Variants in MC2R observed in about 807,000 individuals in gnomAD.
MC2R encodes adrenocorticotropic hormone receptor.
Under a neutral mutation model 9.8 loss-of-function variants are expected in MC2R, and 9 were observed. That is an observed-to-expected ratio of 0.92 (90% CI 0.55 to 1.60). MC2R has a LOEUF of 1.60. MC2R is among the 40% of genes most tolerant of loss of function. The pLI is 0.00. For missense variants in MC2R, 370 were observed against 389.0 expected, an observed-to-expected ratio of 0.95 and a Z score of 0.41; for synonymous variants, 185 against 154.7, an observed-to-expected ratio of 1.20 and a Z score of -1.45.
chr18:13,909,449 T>C (rs1208161920), intron 1 of MC2R, among the ~76,000 whole-genome samples: 2 of 152,218 alleles, frequency 1.3e-5, no homozygotes, highest in East Asian at 1.9e-4. Flanking sequence ...TCAGAATGCA[T>C]AGCCCTCACA....
At chr18:13,909,605 A>G (rs941609779) in intron 1 of MC2R, among the ~76,000 whole-genome samples, 1 of 152,168 alleles carries the variant, frequency 6.6e-6, no homozygotes, top group African/African-American at 2.4e-5. Context: ...GAATGCATGG[A>G]CAACTATTTT....
At chr18:13,889,764 C>G (rs997822654) in intron 1 of MC2R, among the ~76,000 whole-genome samples, 2 of 152,076 alleles carry the variant, frequency 1.3e-5, no homozygotes, top group African/African-American at 4.8e-5. Context: ...GTGTTAAATT[C>G]TTGTTATGTG....
At chr18:13,909,314 C>G (rs1462693394) in intron 1 of MC2R, among the ~76,000 whole-genome samples, 1 of 152,200 alleles carries the variant, frequency 6.6e-6, no homozygotes, top group East Asian at 1.9e-4. Context: ...AAGGGACACG[C>G]TATCAAGGTG....
At chr18:13,899,289 A>G (rs992423391) in intron 1 of MC2R, among the ~76,000 whole-genome samples, 4 of 152,264 alleles carry the variant, frequency 2.6e-5, no homozygotes, top group Middle Eastern at 3.4e-3. Flanking sequence ...GAGCATGAAT[A>G]CAGCCTATTT....
intron 1 of MC2R, among the ~76,000 whole-genome samples, chr18:13,897,235 T>G (rs915810803): frequency 6.6e-6 from 1 of 152,148 alleles, no homozygotes; most frequent in Non-Finnish European, 1.5e-5. Context: ...TTGTGAAACA[T>G]TGAACTCAGT....
chr18:13,886,556 T>C (rs1315357015), intron 1 of MC2R, among the ~76,000 whole-genome samples: 1 of 152,130 alleles, frequency 6.6e-6, no homozygotes, highest in African/African-American at 2.4e-5. Context: ...TCACTGCTCG[T>C]CTCCCTGGGT....
chr18:13,911,107 A>G (rs1489742000), intron 1 of MC2R, among the ~76,000 whole-genome samples: 1 of 152,096 alleles, frequency 6.6e-6, no homozygotes, highest in Non-Finnish European at 1.5e-5. Flanking sequence ...AAGCAGCAAA[A>G]CCCCAGAGCT....
intron 1 of MC2R, among the ~76,000 whole-genome samples, chr18:13,893,981 A>T (rs2045331750): frequency 6.6e-6 from 1 of 152,188 alleles, no homozygotes; most frequent in African/African-American, 2.4e-5. Flanking sequence ...CCTCTTCATG[A>T]GGAGGCACTG....
chr18:13,887,939 C>A (rs1419803703), intron 1 of MC2R, among the ~76,000 whole-genome samples: 1 of 152,140 alleles, frequency 6.6e-6, no homozygotes, highest in Non-Finnish European at 1.5e-5. Flanking sequence ...CCATCTCCTG[C>A]TGTTTATTTT....
intron 1 of MC2R, among the ~76,000 whole-genome samples, chr18:13,888,258 C>G (rs747272752): frequency 6.6e-6 from 1 of 152,142 alleles, no homozygotes; most frequent in Non-Finnish European, 1.5e-5. Flanking sequence ...GACAGATACA[C>G]AGTGTGCCCA....
chr18:13,901,641 A>G (rs890769737), intron 1 of MC2R, among the ~76,000 whole-genome samples: 1 of 152,174 alleles, frequency 6.6e-6, no homozygotes, highest in Non-Finnish European at 1.5e-5. Context: ...GAAGAAATTG[A>G]CAAATTCCCA....
chr18:13,885,358 T>C lies in MC2R; in HGVS notation c.161A>G (p.Asn54Ser). The change falls in exon 2 of 2, where the codon AAT becomes AGT. Residue 54 changes from asparagine (N) to serine (S), a missense_variant. By Grantham distance (46) the Asn-to-Ser change is conservative. Transcript: ENST00000327606. ...IVLLAVFKNK[N>S]LQAPMYFFIC... ...GAAAAAGTACATGGGTGCCTGGAGA[T>C]TCTTATTCTTGAACACAGCCAGCAG... is the stretch of plus-strand genomic sequence containing the variant. 1 of 1,614,144 alleles carries C rather than the reference T, an allele frequency of 6.2e-7. No homozygotes were observed. Among genetic ancestry groups the C allele is most frequent in the East Asian group, 2.2e-5 (1 of 44,882 alleles).
chr18:13,905,207 CCAAAAGTGGG>C (rs1018463610), intron 1 of MC2R, among the ~76,000 whole-genome samples: 3 of 152,236 alleles, frequency 2.0e-5, no homozygotes, highest in Middle Eastern at 3.4e-3. Flanking sequence ...AACAACCCCA[CCAAAAGTGGG>C]CAAAGTATAT....
chr18:13,908,586 G>A (rs2045427001), intron 1 of MC2R, among the ~76,000 whole-genome samples: 1 of 152,078 alleles, frequency 6.6e-6, no homozygotes, highest in Non-Finnish European at 1.5e-5. Flanking sequence ...CACTGTTTTG[G>A]TCTTTACAAA....
intron 1 of MC2R, among the ~76,000 whole-genome samples, chr18:13,904,658 A>C (rs1178658279): frequency 2.7e-5 from 4 of 147,278 alleles, no homozygotes; most frequent in Non-Finnish European, 4.5e-5. Context: ...TAACCAAAAC[A>C]GTAACCAAAA....
chr18:13,900,396 T>G (rs1355629499), intron 1 of MC2R, among the ~76,000 whole-genome samples: 2 of 152,060 alleles, frequency 1.3e-5, no homozygotes, highest in Non-Finnish European at 2.9e-5. Flanking sequence ...GAGTAAGTCC[T>G]TACTTATCAA....
In MC2R at chr18:13,883,885, A is replaced by ATT. The variant is rs2045254341; in HGVS notation, c.*739_*740insAA. ...AGGAAATGTAACAGGAAAGGGTTTT[A>ATT]AGGCCAGTGGGATACTGAGTGAGCA... is the stretch of plus-strand genomic sequence containing the variant. On this transcript the variant is annotated 3_prime_UTR_variant, in exon 2 of 2. Transcript: ENST00000327606. The ATT allele has an allele frequency of 6.5e-6, 1 of 152,702 alleles. No homozygotes were observed. Among genetic ancestry groups the ATT allele is most frequent in the African/African-American group, 2.4e-5 (1 of 41,446 alleles). The allele number at this position is 152,702 out of a possible 1,614,324, so 9.5% of individuals were successfully genotyped here. A position where few individuals can be genotyped will look rare whatever the true frequency, so the allele number is the denominator to read the frequency against.
intron 1 of MC2R, among the ~76,000 whole-genome samples, chr18:13,902,974 G>A (rs1425656867): frequency 6.6e-6 from 1 of 152,068 alleles, no homozygotes; most frequent in Non-Finnish European, 1.5e-5. Context: ...AATATATAAG[G>A]AGCTCAAACA....
intron 1 of MC2R, among the ~76,000 whole-genome samples, chr18:13,890,252 T>C (rs927350287): frequency 6.6e-6 from 1 of 152,134 alleles, no homozygotes; most frequent in Non-Finnish European, 1.5e-5. Flanking sequence ...GCTGCAGGCG[T>C]CCTGGGGCCC....
Sources: gnomAD v4.1 joint callset for allele counts (sites outside exome capture counted in the v4.1 genomes callset) on GRCh38, gnomAD v4.1.1 for gene constraint, MANE v1.5 for transcripts, NCBI Gene and HGNC (gene_info 2026-07-23, HGNC 2026-07-21) for gene names.